GSE1: variants seen among roughly 807,000 people sequenced by gnomAD.
GSE1 encodes genetic suppressor element 1.
A neutral mutation model predicts 112.6 loss-of-function variants in GSE1; 32 were observed. That is an observed-to-expected ratio of 0.28 (90% confidence interval 0.21 to 0.38). The LOEUF (loss-of-function observed/expected upper bound fraction) is 0.38. GSE1 is among the 10% of genes least tolerant of loss of function. The pLI is 1.00. For missense variants in GSE1, 2,348 were observed against 1,699.2 expected (o/e 1.38, Z -6.71); for synonymous variants, 1,115 against 735.6 (o/e 1.52, Z -8.35).
intron 1 of GSE1, 34 bp from the exon 2 acceptor site, chr16:85,633,880 T>A: frequency 1.3e-6 from 2 of 1,562,910 alleles, no homozygotes; most frequent in Non-Finnish European, 1.8e-6. Flanking sequence ...TCCTGCTCTC[T>A]GGGTGACCTC....
At chr16:85,427,491 A>T (rs1336674169) in intron 2 of GSE1, among the ~76,000 whole-genome samples, 3 of 152,168 alleles carry the variant, frequency 2.0e-5, no homozygotes, top group East Asian at 1.9e-4. Context: ...AAAATACAAA[A>T]ATCAGCCGGG....
intron 1 of GSE1, among the ~76,000 whole-genome samples, chr16:85,629,776 CTGTG>C (rs2049388550): frequency 6.6e-6 from 1 of 152,156 alleles, no homozygotes; most frequent in African/African-American, 2.4e-5. Flanking sequence ...TGCAGAGTCT[CTGTG>C]TGCAGATAGT....
chr16:85,482,998 T>C (rs946255339), intron 2 of GSE1, among the ~76,000 whole-genome samples: 5 of 109,606 alleles, frequency 4.6e-5, no homozygotes, highest in Non-Finnish European at 9.2e-5. Flanking sequence ...AAAAAAAAAA[T>C]ACCAAACTCT....
At chr16:85,578,471 CA>C (rs945404255) in intron 1 of GSE1, among the ~76,000 whole-genome samples, 4 of 152,200 alleles carry the variant, frequency 2.6e-5, no homozygotes, top group African/African-American at 9.7e-5. Flanking sequence ...CCGCCCCTCA[CA>C]TGCATGGCCC....
In GSE1 at chr16:85,673,299, G is replaced by A. The variant is rs762620988; in HGVS notation, c.*760G>A. On this transcript the variant is annotated 3_prime_UTR_variant, in exon 16 of 16. Coordinates refer to ENST00000253458, the MANE Select transcript of GSE1 (RefSeq NM_014615.5). Reference sequence around the variant, plus strand: ...TACAGACGTAAATTTTGAGAGAAAAGTCAAAGGTGCTTCAGCCTTGTACTG... The same window carrying A: ...TACAGACGTAAATTTTGAGAGAAAAATCAAAGGTGCTTCAGCCTTGTACTG... The A allele has an allele frequency of 6.6e-6, 1 of 152,324 alleles. No homozygotes were observed. Among genetic ancestry groups the A allele is most frequent in the South Asian group, 2.1e-4 (1 of 4,822 alleles). 9.4% of individuals were successfully genotyped at this position (152,324 alleles called of 1,614,324 possible).
rs1352746932 is a variant in GSE1, at chr16:85,192,027, A to G, written c.2283+20220A>G. Among the ~76,000 whole-genome samples, 4 of 152,268 alleles carry G rather than the reference A, an allele frequency of 2.6e-5. No homozygotes were observed. In the East Asian group the frequency reaches 5.8e-4, roughly 22 times the overall value. On this transcript the variant is annotated intron_variant, in intron 1 of 2. Transcript: ENST00000637419. ...AGCTATTCATGTTGAAAATGTAGAC[A>G]GCAGAGATGTGAAGGAGGTAATGAA...
At chr16:85,487,262 T>G (rs1280063121) in intron 2 of GSE1, among the ~76,000 whole-genome samples, 2 of 152,228 alleles carry the variant, frequency 1.3e-5, no homozygotes, top group East Asian at 1.9e-4. Flanking sequence ...AATGACTGAG[T>G]CTGCCTTGCA....
chr16:85,176,451 C>T (rs2143214745), intron 1 of GSE1, among the ~76,000 whole-genome samples: 1 of 152,372 alleles, frequency 6.6e-6, no homozygotes, highest in East Asian at 1.9e-4. Flanking sequence ...GCTTACTGAG[C>T]AGTGGTGCCC....
At chr16:85,310,238 G>A (rs544420668) in intron 1 of GSE1, among the ~76,000 whole-genome samples, 25 of 152,312 alleles carry the variant, frequency 1.6e-4, no homozygotes, top group Middle Eastern at 3.4e-3. Flanking sequence ...GGAGGGGTGC[G>A]TGAGGCGTGT....
chr16:85,575,054 G>A (rs989903110), intron 1 of GSE1, among the ~76,000 whole-genome samples: 35 of 39,362 alleles, frequency 8.9e-4, no homozygotes, highest in African/African-American at 3.0e-3. Flanking sequence ...CCTCTCCCCC[G>A]CCCCCCGGCT....
intron 2 of GSE1, among the ~76,000 whole-genome samples, chr16:85,412,851 G>A (rs910910487): frequency 6.6e-6 from 1 of 152,166 alleles, no homozygotes; most frequent in Non-Finnish European, 1.5e-5. Flanking sequence ...ATATAAAGCC[G>A]CATTCACAGG....
intron 2 of GSE1, among the ~76,000 whole-genome samples, chr16:85,488,658 G>C (rs532434003): frequency 6.6e-6 from 1 of 152,272 alleles, no homozygotes; most frequent in East Asian, 1.9e-4. Context: ...TCTTTCCGGA[G>C]GTCATGAAGT....
At position 85,655,875 on chromosome 16, in the gene GSE1, C is replaced by A. The variant is rs767814962; in HGVS notation, c.947C>A (p.Ala316Glu). ...YPPELSHSSL[A>E]ALHSERMSGL... Reference sequence around the variant, plus strand: ...CCCGAGCTCTCCCACTCATCCCTGGCAGCGCTGCACTCGGAGCGCATGTCT... The same window carrying A: ...CCCGAGCTCTCCCACTCATCCCTGGAAGCGCTGCACTCGGAGCGCATGTCT... Residue 316 changes from alanine (A) to glutamate (E), a missense_variant, in exon 6 of 16, where the codon GCA becomes GAA. Physicochemically the swap from Ala to Glu is moderately radical, Grantham distance 107. Coordinates refer to ENST00000253458, the MANE Select transcript of GSE1 (RefSeq NM_014615.5). 28 of 1,607,970 alleles carry A rather than the reference C, an allele frequency of 1.7e-5. No individual in the cohort carries two copies. Among genetic ancestry groups the A allele is most frequent in the Non-Finnish European group, 2.4e-5 (28 of 1,179,882 alleles).
intron 2 of GSE1, among the ~76,000 whole-genome samples, chr16:85,467,333 G>A (rs943337073): frequency 1.3e-5 from 2 of 152,222 alleles, no homozygotes; most frequent in African/African-American, 4.8e-5. Flanking sequence ...AAATATGGTG[G>A]CACCTGTCTT....
intron 1 of GSE1, among the ~76,000 whole-genome samples, chr16:85,186,190 G>A (rs939227989): frequency 3.3e-5 from 5 of 152,186 alleles, no homozygotes; most frequent in Non-Finnish European, 5.9e-5. Context: ...TGTAAAACAG[G>A]TTGGGTACAG....
intron 1 of GSE1, among the ~76,000 whole-genome samples, chr16:85,234,629 C>T (rs1904404251): frequency 2.0e-5 from 3 of 152,184 alleles, no homozygotes; most frequent in African/African-American, 7.2e-5. Flanking sequence ...TCAGGGAGGC[C>T]CTGTGACGTT....
At chr16:85,383,014 G>A (rs4783188) in intron 2 of GSE1, among the ~76,000 whole-genome samples, 6,558 of 148,068 alleles carry the variant, frequency 0.044, 214 homozygotes, top group Non-Finnish European at 0.065. Context: ...ATGCACACAC[G>A]GTTGCACCCA....
At position 85,665,095 on chromosome 16, in the gene GSE1, T is replaced by C; in HGVS notation, c.2725T>C (p.Ser909Pro). The change falls in exon 12 of 16, where the codon TCT (serine) becomes CCT (proline). Residue 909 changes from serine (S) to proline (P), a missense_variant. Coordinates refer to ENST00000253458, the MANE Select transcript of GSE1 (RefSeq NM_014615.5). Reference sequence around the variant, plus strand: ...AGCAGTGGCCGACTCCTTGACAAACTCTCCGAGGGACAGTCCTGCCGTCTC... The same window carrying C: ...AGCAGTGGCCGACTCCTTGACAAACCCTCCGAGGGACAGTCCTGCCGTCTC... ...SAAVADSLTN[S>P]PRDSPAVSLS... 1 of 1,610,596 alleles carries C rather than the reference T, an allele frequency of 6.2e-7. No individual in the cohort carries two copies. Among genetic ancestry groups the C allele is most frequent in the South Asian group, 1.1e-5 (1 of 91,008 alleles).
At chr16:85,412,773 A>G (rs1410459934) in intron 2 of GSE1, among the ~76,000 whole-genome samples, 1 of 152,212 alleles carries the variant, frequency 6.6e-6, no homozygotes, top group Non-Finnish European at 1.5e-5. Context: ...CCCTCTGATA[A>G]TCCTCGCTGA....
Sources: gnomAD v4.1 joint callset for allele counts (sites outside exome capture counted in the v4.1 genomes callset) on GRCh38, gnomAD v4.1.1 for gene constraint, MANE v1.5 for transcripts, NCBI Gene and HGNC (gene_info 2026-07-23, HGNC 2026-07-21) for gene names.